Variants in BAIAP3 observed in about 807,000 individuals in gnomAD.
BAIAP3 encodes the protein BAI1-associated protein 3.
Under a neutral mutation model 149.7 loss-of-function variants are expected in BAIAP3, and 180 were observed. That is an observed-to-expected ratio of 1.20 (90% CI 1.07 to 1.36). BAIAP3 has a LOEUF of 1.36. Among genes scored for constraint, BAIAP3 ranks in the 40% most tolerant of loss-of-function variants. The pLI is 0.00. For synonymous variants in BAIAP3, 845 were observed against 670.7 expected (o/e 1.26, Z -4.02); for missense variants, 1,767 against 1,563.4 (o/e 1.13, Z -2.20).
chr16:1,347,292 C>T lies in BAIAP3; in HGVS notation c.2752-6C>T. 2.5e-6 allele frequency: 4 copies of T among 1,612,836 alleles called. No homozygotes were observed. The highest frequency in any genetic ancestry group is 2.5e-6 in the Non-Finnish European group (3 of 1,179,766). ...CTGACACCTCTGCCTTCTTTCCCTGCCCCAGGCCCTGGTCAGTTTTTTCCA... is the reference window on the plus strand; with the variant it reads ...CTGACACCTCTGCCTTCTTTCCCTGTCCCAGGCCCTGGTCAGTTTTTTCCA... On this transcript the variant is annotated splice_region_variant and splice_polypyrimidine_tract_variant and intron_variant, in intron 28 of 33. Transcript: ENST00000426824.
Position 1,343,068 on chromosome 16 carries a change from G to C in BAIAP3, c.1265+52G>C, listed in dbSNP as rs779174698. 3 of 1,535,890 alleles carry C rather than the reference G, an allele frequency of 2.0e-6. No individual in the cohort carries two copies. The South Asian group carries it at 3.5e-5, about 18-fold the overall frequency. The stretch of plus-strand genomic sequence containing the variant: ...GGGGAATGTGGGCGGGCGTGAGCGA[G>C]TGGGGCATCGGGGGCCATGCGGTGA... On this transcript the variant is annotated intron_variant, in intron 14 of 33. Transcript: ENST00000426824.
In BAIAP3 at chr16:1,340,992, C is replaced by T. The variant is rs1314355139; in HGVS notation, c.468+11C>T. On this transcript the variant is annotated intron_variant, in intron 6 of 33. Transcript: ENST00000426824. ...GTGAGGAAGGCCAAGGTGAGGCCGC[C>T]ACTGCCTGGGCAGGCACTGACCAGC... is the stretch of plus-strand genomic sequence containing the variant. 3.1e-6 allele frequency: 5 copies of T among 1,603,450 alleles called. No individual in the cohort carries two copies. The highest frequency in any genetic ancestry group is 3.4e-6 in the Non-Finnish European group (4 of 1,175,712).
At chr16:1,343,047 A>C (rs1416359065) in intron 14 of BAIAP3, 31 bp downstream of exon 14, 2 of 1,585,522 alleles carry the variant, frequency 1.3e-6, no homozygotes, top group African/African-American at 2.7e-5. Flanking sequence ...GTGGGCGGGG[A>C]ATGTGGGCGG....
At chr16:1,345,493 C>T in intron 22 of BAIAP3, 121 bp downstream of exon 22, 1 of 1,240,592 alleles carries the variant, frequency 8.1e-7, no homozygotes, top group African/African-American at 1.7e-5. Context: ...CAGCCTCCCC[C>T]TCAACCCCAG....
In BAIAP3 at chr16:1,348,015, C is replaced by T. The variant is rs747314435; in HGVS notation, c.3147C>T (p.Tyr1049=). The change falls in exon 32 of 34, where the codon TAC becomes TAT. Residue 1049 remains tyrosine, a splice_region_variant and synonymous_variant. Transcript: ENST00000426824. ...ACCCTGTATACGACGAACTCTTCTA[C>T]TTGTGAGTGTCCTAAGCCCCAGCCC... is the stretch of plus-strand genomic sequence containing the variant. ...TLHPVYDELF[Y]FSVPAEACRR... 1.2e-6 allele frequency: 2 copies of T among 1,608,298 alleles called. No individual in the cohort carries two copies. Among genetic ancestry groups the T allele is most frequent in the South Asian group, 1.1e-5 (1 of 91,076 alleles).
rs751706891 is a variant in BAIAP3, at chr16:1,347,719, C to T, written c.2923C>T (p.Arg975Trp). 15 of 1,609,908 alleles carry T rather than the reference C, an allele frequency of 9.3e-6. No individual in the cohort carries two copies. Among genetic ancestry groups the T allele is most frequent in the East Asian group, 2.2e-5 (1 of 44,776 alleles). ...TCCGCAGAGGACCCTGGAGCAGAACCGGTTTGGACGCCTGAGCGTCCGTTG... is the reference window on the plus strand; with the variant it reads ...TCCGCAGAGGACCCTGGAGCAGAACTGGTTTGGACGCCTGAGCGTCCGTTG... ...KLKQRTLEQNRFGRLSVRCHY... is the reference protein window; with the variant it reads ...KLKQRTLEQNWFGRLSVRCHY... Residue 975 changes from arginine (R) to tryptophan (W), a missense_variant, in exon 31 of 34, where the codon CGG (arginine) becomes TGG (tryptophan). Arg to Trp is a moderately radical substitution (Grantham distance 101). Coordinates refer to ENST00000426824, the MANE Select transcript of BAIAP3 (RefSeq NM_001199097.2).
In BAIAP3 at chr16:1,345,059, C is replaced by G. The variant is rs750750226; in HGVS notation, c.1900C>G (p.Leu634Val). 1.9e-6 allele frequency: 3 copies of G among 1,612,524 alleles called. No individual in the cohort carries two copies. Among genetic ancestry groups the G allele is most frequent in the Non-Finnish European group, 2.5e-6 (3 of 1,180,000 alleles). The change falls in exon 21 of 34, where the codon CTG becomes GTG. Residue 634 changes from leucine to valine, a missense_variant. Physicochemically the swap from Leu to Val is conservative, Grantham distance 32. Transcript: ENST00000426824. ...ASGLFELYLT[L>V]ADLQRFWDSI... ...GGGGCTCTTTGAGCTCTACCTGACCCTGGCTGACCTCCAGCGCTTCTGGGA... is the reference window on the plus strand; with the variant it reads ...GGGGCTCTTTGAGCTCTACCTGACCGTGGCTGACCTCCAGCGCTTCTGGGA...
At position 1,348,156 on chromosome 16, in the gene BAIAP3, C is replaced by A. The variant is rs2034518815; in HGVS notation, c.3210C>A (p.Asp1070Glu). The change falls in exon 33 of 34, where the codon GAC (aspartate) becomes GAA (glutamate). Residue 1070 changes from aspartate to glutamate, a missense_variant. Transcript: ENST00000426824. ...CCTGTGTGTTGTTCACCGTCATGGA[C>A]CACGACTGGCTGTCCACCAACGACT... is the stretch of plus-strand genomic sequence containing the variant. Reference protein sequence around the residue: ...RAACVLFTVMDHDWLSTNDFA... With the variant: ...RAACVLFTVMEHDWLSTNDFA... 6.2e-7 allele frequency: 1 copy of A among 1,608,168 alleles called. No individual in the cohort carries two copies. Among genetic ancestry groups the A allele is most frequent in the African/African-American group, 1.3e-5 (1 of 74,928 alleles).
rs371797239 is a variant in BAIAP3 at position 1,341,520 on chromosome 16, G to C, written c.731+31G>C. 27 of 1,588,574 alleles carry C rather than the reference G, an allele frequency of 1.7e-5. No homozygotes were observed. In the East Asian group the frequency reaches 4.0e-4, roughly 24 times the overall value. Reference sequence around the variant, plus strand: ...GCCCTCGCCCGTCTGGGTGCGGGAGGGGGGCTCTGCCTGGGGTCCAGAGCT... The same window carrying C: ...GCCCTCGCCCGTCTGGGTGCGGGAGCGGGGCTCTGCCTGGGGTCCAGAGCT... On this transcript the variant is annotated intron_variant, in intron 8 of 33. Coordinates refer to ENST00000426824, the MANE Select transcript of BAIAP3 (RefSeq NM_001199097.2).
Position 1,342,821 on chromosome 16 carries a change from G to C in BAIAP3, c.1161+7G>C. 6.2e-7 allele frequency: 1 copy of C among 1,612,640 alleles called. No individual in the cohort carries two copies. Among genetic ancestry groups the C allele is most frequent in the Non-Finnish European group, 8.5e-7 (1 of 1,179,982 alleles). On this transcript the variant is annotated splice_region_variant and intron_variant, in intron 13 of 33. Coordinates refer to ENST00000426824, the MANE Select transcript of BAIAP3 (RefSeq NM_001199097.2). ...GGAGCACTCAGCAGAGGAGGTAGTG[G>C]GTGCGCCTAGGATTGGAACAGCCCG...
Position 1,343,457 on chromosome 16 carries a change from C to A in BAIAP3, c.1330C>A (p.Leu444Met). ...GCTGGACTACAGCTACCTGCTGGGG[C>A]TGCTGGAGGACATGCAGGCACACTG... ...CTLDYSYLLG[L>M]LEDMQAHWEE... Residue 444 changes from leucine (L) to methionine (M), a missense_variant, in exon 15 of 34, where the codon CTG becomes ATG. Physicochemically the swap from Leu to Met is conservative, Grantham distance 15. Transcript: ENST00000426824. The A allele has an allele frequency of 1.3e-6, 2 of 1,596,226 alleles. No homozygotes were observed. The highest frequency in any genetic ancestry group is 1.7e-6 in the Non-Finnish European group (2 of 1,172,892).
At position 1,344,296 on chromosome 16, in the gene BAIAP3, G is replaced by GA. The variant is rs2034155369; in HGVS notation, c.1581_1582insA (p.Asp528ArgfsTer12). Reference sequence around the variant, plus strand: ...GCCCCTTCGAGTCGGAGCTGAACATGGACATTGCTGCGGCCCTGAAGGTGT... The same window carrying GA: ...GCCCCTTCGAGTCGGAGCTGAACATGAGACATTGCTGCGGCCCTGAAGGTGT... On this transcript the variant is annotated frameshift_variant, in exon 17 of 34. Transcript: ENST00000426824. LOFTEE classifies it high-confidence loss of function. 1 of 1,613,800 alleles carries GA rather than the reference G, an allele frequency of 6.2e-7. No individual in the cohort carries two copies. Among genetic ancestry groups the GA allele is most frequent in the African/African-American group, 1.3e-5 (1 of 74,944 alleles).
chr16:1,336,160 C>T (rs1328720152), intron 1 of BAIAP3: 4 of 968,056 alleles, frequency 4.1e-6, no homozygotes, highest in African/African-American at 1.8e-5. Context: ...CATGCCGCGG[C>T]GGTTGCCCTG....
intron 6 of BAIAP3, 25 bp downstream of exon 6, chr16:1,341,006 G>T (rs963145594): frequency 1.9e-6 from 3 of 1,606,376 alleles, no homozygotes; most frequent in Non-Finnish European, 2.5e-6. Flanking sequence ...GCCTGGGCAG[G>T]CACTGACCAG....
Position 1,349,129 on chromosome 16 carries a change from C to A in BAIAP3, c.*647C>A, listed in dbSNP as rs567756480. On this transcript the variant is annotated 3_prime_UTR_variant, in exon 34 of 34. Transcript: ENST00000426824. Reference sequence around the variant, plus strand: ...GTGCCAACTGGTCAGCTGTCCTTCACGCACATATCCGTGGCCACCTGAGAC... The same window carrying A: ...GTGCCAACTGGTCAGCTGTCCTTCAAGCACATATCCGTGGCCACCTGAGAC... The A allele has an allele frequency of 4.6e-6, 2 of 430,746 alleles. No homozygotes were observed. The highest frequency in any genetic ancestry group is 2.2e-5 in the South Asian group (1 of 45,850). The allele number at this position is 430,746 out of a possible 1,614,324, so 26.7% of individuals were successfully genotyped here. A position where few individuals can be genotyped will look rare whatever the true frequency, so the allele number is the denominator to read the frequency against.
At chr16:1,339,824 GGCTGCAGGTGCACACAGACACAC>G (rs2033746938) in intron 5 of BAIAP3, among the ~76,000 whole-genome samples, 3 of 122,966 alleles carry the variant, frequency 2.4e-5, no homozygotes, top group African/African-American at 1.0e-4. Context: ...CACACACACA[GGCTGCAGGTGCACACAGACACAC>G]GCACACAGGC....
In BAIAP3 at chr16:1,343,394, C is replaced by T; in HGVS notation, c.1267C>T (p.His423Tyr). The change falls in exon 15 of 34, where the codon CAC becomes TAC. Residue 423 changes from histidine (H) to tyrosine (Y), a missense_variant and splice_region_variant. His to Tyr is a moderately conservative substitution (Grantham distance 83). Coordinates refer to ENST00000426824, the MANE Select transcript of BAIAP3 (RefSeq NM_001199097.2). The part of the protein sequence containing the change: ...NLSPLQLAVL[H>Y]WQVSSRHHQT... ...TTGACCATGGGCCGGGCCCCACAGG[C>T]ACTGGCAGGTCAGCAGCCGCCACCA... 1 of 1,570,518 alleles carries T rather than the reference C, an allele frequency of 6.4e-7. No homozygotes were observed. The highest frequency in any genetic ancestry group is 8.6e-7 in the Non-Finnish European group (1 of 1,159,920).
intron 1 of BAIAP3, chr16:1,334,791 C>G: frequency 1.3e-6 from 2 of 1,532,802 alleles, no homozygotes; most frequent in Non-Finnish European, 1.8e-6. Context: ...GGGAAACCCC[C>G]AGGGCCTGGT....
Position 1,342,917 on chromosome 16 carries a change from A to G in BAIAP3, c.1166A>G (p.Asn389Ser). 1 of 1,612,090 alleles carries G rather than the reference A, an allele frequency of 6.2e-7. No homozygotes were observed. The highest frequency in any genetic ancestry group is 8.5e-7 in the Non-Finnish European group (1 of 1,179,914). Residue 389 changes from asparagine to serine, a missense_variant, in exon 14 of 34, where the codon AAC becomes AGC. Transcript: ENST00000426824. ...LRLEHSAEEPNSSSWRGELST... is the reference protein window; with the variant it reads ...LRLEHSAEEPSSSSWRGELST... Reference sequence around the variant, plus strand: ...ACGACAGACCTCCTCCCCCAGCCCAACTCCAGCAGCTGGCGAGGAGAGCTC... The same window carrying G: ...ACGACAGACCTCCTCCCCCAGCCCAGCTCCAGCAGCTGGCGAGGAGAGCTC...
Sources: gnomAD v4.1 joint callset for allele counts (sites outside exome capture counted in the v4.1 genomes callset) on GRCh38, gnomAD v4.1.1 for gene constraint, MANE v1.5 for transcripts, NCBI Gene and HGNC (gene_info 2026-07-23, HGNC 2026-07-21) for gene names.